ARSB: variants seen among roughly 807,000 people sequenced by gnomAD.
ARSB encodes the protein N-acetylgalactosamine-4-sulfatase.
Under a neutral mutation model 50.9 loss-of-function variants are expected in ARSB, and 41 were observed. The observed-to-expected ratio is 0.81, with a 90% CI of 0.63 to 1.04. ARSB has a LOEUF of 1.04. Among genes scored for constraint, ARSB ranks in the 50% least tolerant of loss-of-function variants. ARSB has a pLI of 0.00. For missense variants in ARSB, 672 were observed against 693.3 expected, an observed-to-expected ratio of 0.97 and a Z score of 0.35; for synonymous variants, 269 against 284.8, an observed-to-expected ratio of 0.94 and a Z score of 0.56.
intron 5 of ARSB, among the ~76,000 whole-genome samples, chr5:78,874,380 T>G (rs1172462367): frequency 1.3e-5 from 2 of 152,112 alleles, no homozygotes; most frequent in Non-Finnish European, 2.9e-5. Context: ...ACTACTTAAA[T>G]CACAAAACTG....
At chr5:78,955,726 T>C (rs1751694769) in intron 3 of ARSB, among the ~76,000 whole-genome samples, 1 of 152,158 alleles carries the variant, frequency 6.6e-6, no homozygotes, top group South Asian at 2.1e-4. Context: ...GGGCAAAGAA[T>C]CTGAATAGCA....
At chr5:78,974,905 A>G (rs1164241922) in intron 1 of ARSB, among the ~76,000 whole-genome samples, 1 of 152,150 alleles carries the variant, frequency 6.6e-6, no homozygotes, top group Non-Finnish European at 1.5e-5. Context: ...GCTTGTCCCT[A>G]TGGAGCTAAT....
chr5:78,862,829 T>G (rs955299277), intron 5 of ARSB, among the ~76,000 whole-genome samples: 9 of 152,148 alleles, frequency 5.9e-5, no homozygotes, highest in East Asian at 1.9e-4. Context: ...ACCTACAGAA[T>G]GGGAGAAAAT....
chr5:78,893,400 T>C (rs1173590243), intron 4 of ARSB, among the ~76,000 whole-genome samples: 1 of 152,172 alleles, frequency 6.6e-6, no homozygotes. Flanking sequence ...CAGGGATGAA[T>C]GAGGATTAAA....
intron 4 of ARSB, among the ~76,000 whole-genome samples, chr5:78,900,202 C>T (rs952622095): frequency 2.6e-5 from 4 of 152,098 alleles, no homozygotes; most frequent in African/African-American, 9.7e-5. Context: ...GAATGTACCT[C>T]CTACAGTGTG....
chr5:78,891,542 G>A (rs1047136098), intron 4 of ARSB, among the ~76,000 whole-genome samples: 1 of 152,134 alleles, frequency 6.6e-6, no homozygotes, highest in Admixed American at 6.5e-5. Flanking sequence ...GATGGACAAG[G>A]TCCTGTCCCT....
intron 4 of ARSB, among the ~76,000 whole-genome samples, chr5:78,891,951 T>C (rs976037024): frequency 2.0e-5 from 3 of 152,190 alleles, no homozygotes; most frequent in Non-Finnish European, 2.9e-5. Context: ...CTAAGCACTG[T>C]GGGTTTGGGC....
Position 78,860,789 on chromosome 5 carries a change from C to G in ARSB, c.1143-21363G>C, listed in dbSNP as rs569134902. 1.6e-4 allele frequency among the ~76,000 whole-genome samples: 24 copies of G among 152,166 alleles called. No individual in the cohort carries two copies. In the South Asian group the frequency reaches 5.0e-3, roughly 32 times the overall value. On this transcript the variant is annotated intron_variant, in intron 5 of 7. Transcript: ENST00000264914. ...AGCAGAACTGAAGGAGATGGAGACA[C>G]AAAAACCCTTCAAAAAAATCAATGA...
At chr5:78,915,939 G>T (rs1749528359) in intron 4 of ARSB, among the ~76,000 whole-genome samples, 1 of 152,128 alleles carries the variant, frequency 6.6e-6, no homozygotes. Flanking sequence ...TCAGATGGTG[G>T]ATTTTCAGGT....
At chr5:78,817,606 C>G (rs992616150) in intron 6 of ARSB, among the ~76,000 whole-genome samples, 1 of 151,932 alleles carries the variant, frequency 6.6e-6, no homozygotes, top group Admixed American at 6.6e-5. Flanking sequence ...GTCAGGAGTC[C>G]GAGACCAGCC....
At chr5:78,900,006 G>A (rs766014454) in intron 4 of ARSB, among the ~76,000 whole-genome samples, 4 of 151,838 alleles carry the variant, frequency 2.6e-5, no homozygotes, top group Non-Finnish European at 5.9e-5. Context: ...CCTCCTTTTC[G>A]GCTCTAGGTG....
At chr5:78,803,810 T>A (rs1353080744) in intron 6 of ARSB, among the ~76,000 whole-genome samples, 1 of 152,262 alleles carries the variant, frequency 6.6e-6, no homozygotes, top group African/African-American at 2.4e-5. Context: ...TTACTGAGCA[T>A]CTACCCTGCA....
intron 6 of ARSB, among the ~76,000 whole-genome samples, chr5:78,832,212 C>G (rs1744724373): frequency 2.6e-5 from 4 of 152,156 alleles, no homozygotes; most frequent in African/African-American, 9.7e-5. Flanking sequence ...GGAATGTGCA[C>G]TGAACTCTAC....
At chr5:78,880,889 T>C (rs1747715189) in intron 5 of ARSB, among the ~76,000 whole-genome samples, 1 of 152,168 alleles carries the variant, frequency 6.6e-6, no homozygotes, top group South Asian at 2.1e-4. Flanking sequence ...ACATTACTCC[T>C]CTGATTTAGA....
At chr5:78,975,874 C>A (rs752202919) in intron 1 of ARSB, among the ~76,000 whole-genome samples, 1 of 152,058 alleles carries the variant, frequency 6.6e-6, no homozygotes, top group Non-Finnish European at 1.5e-5. Context: ...GACCTCAGAA[C>A]CACTTATCAC....
chr5:78,964,549 G>A lies in ARSB; in HGVS notation c.557C>T (p.Ala186Val), dbSNP rs751522780. ...AAGAGCACATCGTGTGACATTCAGA[G>A]CGTCAATTAATGTACAGCGTTCATG... ...YSHERCTLID[A>V]LNVTRCALDF... is the part of the protein sequence containing the mutation. The change falls in exon 3 of 8, where the codon GCT (alanine) becomes GTT (valine). Residue 186 changes from alanine (A) to valine (V), a missense_variant. Coordinates refer to ENST00000264914, the MANE Select transcript of ARSB (RefSeq NM_000046.5). The A allele has an allele frequency of 6.2e-6, 10 of 1,613,972 alleles. No individual in the cohort carries two copies. In the South Asian group the frequency reaches 8.8e-5, roughly 14 times the overall value.
At chr5:78,876,912 G>T (rs1270737032) in intron 5 of ARSB, among the ~76,000 whole-genome samples, 2 of 152,194 alleles carry the variant, frequency 1.3e-5, no homozygotes, top group Non-Finnish European at 2.9e-5. Flanking sequence ...AACTGCGCAT[G>T]CGAGGGATCT....
At chr5:78,863,764 A>G (rs1581059702) in intron 5 of ARSB, among the ~76,000 whole-genome samples, 1 of 151,674 alleles carries the variant, frequency 6.6e-6, no homozygotes, top group East Asian at 1.9e-4. Context: ...AATAATAATA[A>G]AAAAAAATAG....
intron 6 of ARSB, among the ~76,000 whole-genome samples, chr5:78,804,213 G>GA (rs113086677): frequency 0.018 from 2,190 of 124,104 alleles, 45 homozygotes; most frequent in African/African-American, 0.056. Context: ...AATGTGGAAT[G>GA]AAAAAAAAAA....
Sources: gnomAD v4.1 joint callset for allele counts (sites outside exome capture counted in the v4.1 genomes callset) on GRCh38, gnomAD v4.1.1 for gene constraint, MANE v1.5 for transcripts, NCBI Gene and HGNC (gene_info 2026-07-23, HGNC 2026-07-21) for gene names.